Variants in ARHGAP22 observed in about 807,000 individuals in gnomAD.
ARHGAP22 encodes the protein Rho GTPase activating protein 22.
Under a neutral mutation model 59.1 loss-of-function variants are expected in ARHGAP22, and 48 were observed. That is an observed-to-expected ratio of 0.81 (90% CI 0.64 to 1.03). ARHGAP22 has a LOEUF of 1.03. Ranked by LOEUF, ARHGAP22 falls within the 50% of genes least tolerant of loss-of-function variation. ARHGAP22 has a pLI of 0.00. For synonymous variants in ARHGAP22, 445 were observed against 416.4 expected, an observed-to-expected ratio of 1.07 and a Z score of -0.84; for missense variants, 1,015 against 958.7, an observed-to-expected ratio of 1.06 and a Z score of -0.78.
chr10:48,497,576 C>T (rs190341803), intron 3 of ARHGAP22, among the ~76,000 whole-genome samples: 1 of 152,248 alleles, frequency 6.6e-6, no homozygotes, highest in African/African-American at 2.4e-5. Flanking sequence ...CAGTGTGCTG[C>T]AGTACAAGCT....
At chr10:48,441,545 A>G (rs1438255001), downstream of ARHGAP22, among the ~76,000 whole-genome samples, 2 of 147,618 alleles carry the variant, frequency 1.4e-5, no homozygotes, top group East Asian at 2.0e-4. Context: ...TCCGCCTCCC[A>G]GGTTCATGCC....
At chr10:48,572,948 G>A (rs1025773464) in intron 2 of ARHGAP22, among the ~76,000 whole-genome samples, 1 of 152,110 alleles carries the variant, frequency 6.6e-6, no homozygotes, top group Admixed American at 6.6e-5. Context: ...TGGGAGAAGG[G>A]GCAGGAATAA....
rs1250810582 is a variant in ARHGAP22 at position 48,446,490 on chromosome 10, C to T, written c.1998G>A (p.Ala666=). ...LRNSERARED[A]ERRNQLLQRE... ...TCTGCAACAGCTGGTTCCTCCTCTC[C>T]GCATCCTCCCGCGCCCGTTCAGAGT... Residue 666 remains alanine (A), a synonymous_variant, in exon 10 of 10, where the codon GCG becomes GCA. Coordinates refer to ENST00000249601, the MANE Select transcript of ARHGAP22 (RefSeq NM_021226.4). 12 of 1,614,104 alleles carry T rather than the reference C, an allele frequency of 7.4e-6. No homozygotes were observed. The highest frequency in any genetic ancestry group is 2.2e-5 in the East Asian group (1 of 44,904).
chr10:48,556,467 T>C (rs530926118), intron 2 of ARHGAP22: 2 of 152,236 alleles, frequency 1.3e-5, no homozygotes, highest in Non-Finnish European at 2.9e-5. Flanking sequence ...TCATTCATGC[T>C]TGGTTTTGCT....
Position 48,451,110 on chromosome 10 carries a change from A to C in ARHGAP22, c.1019T>G (p.Val340Gly), listed in dbSNP as rs1319932357. ...GAGCTGGCTGTGTTTGCGGATGAGGACGGTCATCAGGTGCTGGACGAGGGA... is the reference window on the plus strand; with the variant it reads ...GAGCTGGCTGTGTTTGCGGATGAGGCCGGTCATCAGGTGCTGGACGAGGGA... Reference protein sequence around the residue: ...GTSLVQHLMTVLIRKHSQLFT... With the variant: ...GTSLVQHLMTGLIRKHSQLFT... Residue 340 changes from valine (V) to glycine (G), a missense_variant, in exon 9 of 10, where the codon GTC (valine) becomes GGC (glycine). Physicochemically the swap from Val to Gly is moderately radical, Grantham distance 109. Transcript: ENST00000249601. 6.4e-7 allele frequency: 1 copy of C among 1,553,246 alleles called. No individual in the cohort carries two copies.
Position 48,455,622 on chromosome 10 carries a change from G to T in ARHGAP22, c.660-488C>A, listed in dbSNP as rs573036738. Among the ~76,000 whole-genome samples, 323 of 152,326 alleles carry T rather than the reference G, an allele frequency of 2.1e-3. 3 individuals are homozygous for T. Among genetic ancestry groups the T allele is most frequent in the African/African-American group, 7.6e-3 (314 of 41,574 alleles). On this transcript the variant is annotated intron_variant, in intron 5 of 9. Coordinates refer to ENST00000249601, the MANE Select transcript of ARHGAP22 (RefSeq NM_021226.4). Reference sequence around the variant, plus strand: ...GGGAGCCCCTTCCACAGGCCTGGTGGCCATCCCAAGGTCCCCTGCAAGACG... The same window carrying T: ...GGGAGCCCCTTCCACAGGCCTGGTGTCCATCCCAAGGTCCCCTGCAAGACG...
chr10:48,499,859 T>C (rs1009720175), intron 3 of ARHGAP22, among the ~76,000 whole-genome samples: 12 of 152,182 alleles, frequency 7.9e-5, no homozygotes, highest in African/African-American at 1.7e-4. Context: ...AGTAGGAAAA[T>C]AGAGATGCCA....
chr10:48,451,401 C>T (rs1050238266), intron 8 of ARHGAP22: 1 of 706,794 alleles, frequency 1.4e-6, no homozygotes, highest in Non-Finnish European at 2.6e-6. Flanking sequence ...CCTGCGCTCA[C>T]GCCCTCCAGC....
intron 4 of ARHGAP22, among the ~76,000 whole-genome samples, chr10:48,476,140 G>A (rs563819827): frequency 6.6e-6 from 1 of 152,222 alleles, no homozygotes; most frequent in East Asian, 1.9e-4. Context: ...CATGAGGCCA[G>A]TGCCTGTCCC....
chr10:48,465,946 G>T (rs1022449105), intron 4 of ARHGAP22, among the ~76,000 whole-genome samples: 17 of 152,098 alleles, frequency 1.1e-4, no homozygotes, highest in Non-Finnish European at 7.4e-5. Flanking sequence ...TCACTTCCAG[G>T]CTCTGCGCTA....
chr10:48,567,131 G>A (rs1159688731), intron 2 of ARHGAP22, among the ~76,000 whole-genome samples: 2 of 152,182 alleles, frequency 1.3e-5, no homozygotes, highest in Non-Finnish European at 2.9e-5. Context: ...ACTAGACTCC[G>A]TGCCAAACAG....
At chr10:48,473,425 A>T (rs1295848983) in intron 4 of ARHGAP22, among the ~76,000 whole-genome samples, 1 of 151,446 alleles carries the variant, frequency 6.6e-6, no homozygotes, top group African/African-American at 2.4e-5. Context: ...AATACACTTA[A>T]TGCCACTGAA....
chr10:48,629,573 G>A (rs1565025685), intron 1 of ARHGAP22, among the ~76,000 whole-genome samples: 1 of 152,212 alleles, frequency 6.6e-6, no homozygotes, highest in South Asian at 2.1e-4. Context: ...ATTCATCCAC[G>A]TGTCTATCAT....
upstream of ARHGAP22, among the ~76,000 whole-genome samples, chr10:48,654,992 C>T (rs2062724228): frequency 7.6e-6 from 1 of 131,572 alleles, no homozygotes; most frequent in Non-Finnish European, 1.6e-5. Context: ...TCCTCCCTTC[C>T]TCTCTCTCTT....
the ARHGAP22 span, among the ~76,000 whole-genome samples, chr10:48,433,426 A>G: frequency 2.0e-5 from 3 of 152,242 alleles, no homozygotes; most frequent in Admixed American, 6.5e-5. Context: ...CATACTGTTC[A>G]GTCAGAAAAG....
chr10:48,518,628 T>A (rs34983450), intron 3 of ARHGAP22, among the ~76,000 whole-genome samples: 28,304 of 151,918 alleles, frequency 0.19, 2,913 homozygotes, highest in Non-Finnish European at 0.24. Flanking sequence ...GCCAGCAGCG[T>A]ATGGCACTGA....
chr10:48,437,848 G>C, the ARHGAP22 span: 5 of 152,254 alleles, frequency 3.3e-5, no homozygotes, highest in African/African-American at 1.2e-4. Flanking sequence ...TTGATGGTGT[G>C]CAAAGAAGCA....
rs185074618 is a variant in ARHGAP22, at chr10:48,584,720, C to T, written c.35-1568G>A. 2.1e-3 allele frequency among the ~76,000 whole-genome samples: 327 copies of T among 152,234 alleles called. 2 individuals are homozygous for T. Among genetic ancestry groups the T allele is most frequent in the Admixed American group, 4.4e-3 (67 of 15,306 alleles). On this transcript the variant is annotated intron_variant, in intron 1 of 9. Transcript: ENST00000249601. ...TAAATATTACATAGTACTGGCTGGGCGCGGTGGCTCACGCCTGTAATCCCA... is the reference window on the plus strand; with the variant it reads ...TAAATATTACATAGTACTGGCTGGGTGCGGTGGCTCACGCCTGTAATCCCA...
At chr10:48,439,957 AT>A in the ARHGAP22 span, among the ~76,000 whole-genome samples, 1 of 152,170 alleles carries the variant, frequency 6.6e-6, no homozygotes, top group Non-Finnish European at 1.5e-5. Flanking sequence ...CTGCTGCTGG[AT>A]CAGCTGCGTG....
Sources: allele counts gnomAD v4.1 joint callset (sites outside exome capture counted in the v4.1 genomes callset), GRCh38; gene constraint gnomAD v4.1.1; transcripts MANE v1.5; gene names NCBI Gene and HGNC (gene_info 2026-07-23, HGNC 2026-07-21).